RABL2A: variants seen among roughly 807,000 people sequenced by gnomAD.
RABL2A encodes rab-like protein 2A.
RABL2A carries 17 observed loss-of-function variants against 30.7 expected under a neutral mutation model. That is an observed-to-expected ratio of 0.55 (90% confidence interval 0.38 to 0.83). The LOEUF (loss-of-function observed/expected upper bound fraction) is 0.83, where lower values mean the gene tolerates loss of function less well. Among genes scored for constraint, RABL2A ranks in the 40% least tolerant of loss-of-function variants. The probability of loss-of-function intolerance (pLI) is 0.00; values close to 1 mark genes in which losing one functional copy is unlikely to be tolerated. For synonymous variants in RABL2A, 64 were observed against 101.8 expected (o/e 0.63, Z 2.24); for missense variants, 155 against 272.6 (o/e 0.57, Z 3.04).
chr2:113,628,643 C>T lies in RABL2A; in HGVS notation c.37C>T (p.Gln13Ter). ...CAAAACCAAACCGAGTGAGTTGGAC[C>T]AAGGGAAGTATGATGCTGATGACAA... Reference protein sequence around the residue: ...EDKTKPSELDQGKYDADDNVK... With the variant: ...EDKTKPSELD Residue 13 changes from glutamine (Q) to a stop codon, truncating the protein, a stop_gained, in exon 2 of 9, where the codon CAA becomes TAA. Coordinates refer to ENST00000683472, the MANE Select transcript of RABL2A (RefSeq NM_001306158.2). LOFTEE classifies it high-confidence loss of function. 1 of 1,545,760 alleles carries T rather than the reference C, an allele frequency of 6.5e-7. No homozygotes were observed. The highest frequency in any genetic ancestry group is 8.8e-7 in the Non-Finnish European group (1 of 1,139,526).
chr2:113,638,150 G>A (rs1409443225), intron 5 of RABL2A: 3 of 985,344 alleles, frequency 3.0e-6, no homozygotes, highest in Admixed American at 1.2e-4. Context: ...GATTCCAGAA[G>A]TTTAGTTACA....
chr2:113,631,493 C>T (rs578208112), intron 2 of RABL2A, among the ~76,000 whole-genome samples: 1 of 152,222 alleles, frequency 6.6e-6, no homozygotes, highest in East Asian at 1.9e-4. Context: ...CCACCAGTGA[C>T]CAGTGCCTAC....
chr2:113,642,138 G>A lies in RABL2A; in HGVS notation c.*9G>A, dbSNP rs1685444652. The A allele has an allele frequency of 3.1e-6, 5 of 1,613,726 alleles. No individual in the cohort carries two copies. The highest frequency in any genetic ancestry group is 4.2e-6 in the Non-Finnish European group (5 of 1,179,830). On this transcript the variant is annotated 3_prime_UTR_variant, in exon 9 of 9. Transcript: ENST00000683472. ...CCTCTCCCCACAGCTGAGGGGCTGG[G>A]GCTAGGGGTGGGTGGAGCCCTTTTA...
In RABL2A at chr2:113,634,742, G is replaced by T. The variant is rs1359801437; in HGVS notation, c.218-309G>T. 6 of 466,568 alleles carry T rather than the reference G, an allele frequency of 1.3e-5. No homozygotes were observed. The Admixed American group carries it at 2.0e-4, about 16-fold the overall frequency. 28.9% of individuals were successfully genotyped at this position (466,568 alleles called of 1,614,324 possible). The stretch of plus-strand genomic sequence containing the variant: ...AGTTGGAATAGTTTGGAACTTAGAG[G>T]ACCCTGCGTGTCACGTGGGAAACGG... On this transcript the variant is annotated intron_variant, in intron 4 of 8. Coordinates refer to ENST00000683472, the MANE Select transcript of RABL2A (RefSeq NM_001306158.2).
intron 5 of RABL2A, among the ~76,000 whole-genome samples, chr2:113,639,127 A>G (rs1684108582): frequency 6.6e-6 from 1 of 151,914 alleles, no homozygotes; most frequent in Non-Finnish European, 1.5e-5. Flanking sequence ...CTCTACAAAA[A>G]ATAAACAAAA....
intron 5 of RABL2A, among the ~76,000 whole-genome samples, chr2:113,636,571 ATC>A (rs1166494150): frequency 6.6e-6 from 1 of 152,138 alleles, no homozygotes; most frequent in Non-Finnish European, 1.5e-5. Flanking sequence ...AATATGTGGC[ATC>A]TCTCTGTCCA....
At position 113,642,769 on chromosome 2, in the gene RABL2A, T is replaced by G. The variant is rs1685627695; in HGVS notation, c.*640T>G. Reference sequence around the variant, plus strand: ...GATTCTCCTGCCTCAGCCTCCCGAGTGGCTGGCATCACCACGCCCAGCTAA... The same window carrying G: ...GATTCTCCTGCCTCAGCCTCCCGAGGGGCTGGCATCACCACGCCCAGCTAA... On this transcript the variant is annotated 3_prime_UTR_variant, in exon 9 of 9. Transcript: ENST00000683472. The G allele has an allele frequency of 5.1e-6, 1 of 194,456 alleles. No individual in the cohort carries two copies. Among genetic ancestry groups the G allele is most frequent in the Non-Finnish European group, 1.1e-5 (1 of 93,518 alleles). The allele number at this position is 194,456 out of a possible 1,614,324, so 12.0% of individuals were successfully genotyped here.
chr2:113,629,181 A>G (rs1230033312), intron 2 of RABL2A, among the ~76,000 whole-genome samples: 2 of 152,164 alleles, frequency 1.3e-5, no homozygotes, highest in Non-Finnish European at 2.9e-5. Flanking sequence ...TTCGGTGCCT[A>G]CATGCCACCT....
intron 3 of RABL2A, chr2:113,633,838 G>A (rs114411886): frequency 0.011 from 4,248 of 379,706 alleles, 182 homozygotes; most frequent in African/African-American, 0.077. Flanking sequence ...TTGAGTTGGG[G>A]TATCCACTTT....
intron 5 of RABL2A, among the ~76,000 whole-genome samples, chr2:113,635,964 C>T (rs1343504078): frequency 4.0e-5 from 6 of 150,942 alleles, no homozygotes; most frequent in Admixed American, 6.6e-5. Flanking sequence ...AAAAATTAGC[C>T]GGGCATGGTG....
chr2:113,634,210 A>C lies in RABL2A; in HGVS notation c.195A>C (p.Val65=). The C allele has an allele frequency of 3.7e-6, 6 of 1,613,078 alleles. No homozygotes were observed. Among genetic ancestry groups the C allele is most frequent in the Non-Finnish European group, 4.2e-6 (5 of 1,179,478 alleles). ...ALTLYKHTAT[V]DGKTILVDFW... is the part of the protein sequence containing the mutation. ...CCCTGTACAAGCACACAGCCACGGTAGATGGCAAGACCATCCTTGTGGGTA... is the reference window on the plus strand; with the variant it reads ...CCCTGTACAAGCACACAGCCACGGTCGATGGCAAGACCATCCTTGTGGGTA... The change falls in exon 4 of 9, where the codon GTA becomes GTC. Residue 65 remains valine (V), a synonymous_variant. Transcript: ENST00000683472.
At chr2:113,629,672 C>T (rs1665301) in intron 2 of RABL2A, among the ~76,000 whole-genome samples, 36,231 of 151,772 alleles carry the variant, frequency 0.24, 5,908 homozygotes, top group African/African-American at 0.45. Flanking sequence ...GTAGCTAGGA[C>T]TACAGGCGCC....
rs866702108 is a variant in RABL2A at position 113,640,760 on chromosome 2, G to A, written c.298-134G>A. On this transcript the variant is annotated intron_variant, in intron 5 of 8. Transcript: ENST00000683472. ...AAACGGCAGCCTCTGCGGTCAGAGA[G>A]GCTGCAATTCAGAGCGTTCCCACAA... The A allele has an allele frequency of 1.2e-5, 18 of 1,492,836 alleles. No homozygotes were observed. The African/African-American group carries it at 2.2e-4, about 19-fold the overall frequency. 92.5% of individuals were successfully genotyped at this position (1,492,836 alleles called of 1,614,324 possible). A position where few individuals can be genotyped will look rare whatever the true frequency, so the allele number is the denominator to read the frequency against.
At chr2:113,636,997 TA>T (rs1443170260) in intron 5 of RABL2A, among the ~76,000 whole-genome samples, 3 of 95,636 alleles carry the variant, frequency 3.1e-5, no homozygotes, top group African/African-American at 1.4e-4. Flanking sequence ...TCAAAAAAAA[TA>T]AAAAAATAAA....
chr2:113,638,008 G>A (rs1249177971), intron 5 of RABL2A: 96 of 985,212 alleles, frequency 9.7e-5, no homozygotes, highest in East Asian at 1.1e-4. Flanking sequence ...ACCAGGGCTC[G>A]ACCCTCCACC....
At chr2:113,634,984 T>C (rs1681966771) in intron 4 of RABL2A, 67 bp from the exon 5 acceptor site, 1 of 1,607,578 alleles carries the variant, frequency 6.2e-7, no homozygotes, top group Non-Finnish European at 8.5e-7. Flanking sequence ...GCCGCATGTG[T>C]GTTGTATCTT....
intron 2 of RABL2A, among the ~76,000 whole-genome samples, chr2:113,630,382 A>G (rs1387630359): frequency 6.6e-6 from 1 of 152,226 alleles, no homozygotes; most frequent in African/African-American, 2.4e-5. Context: ...CGGTTGGGCT[A>G]AAACACCCAT....
chr2:113,629,797 G>A (rs1408893370), intron 2 of RABL2A, among the ~76,000 whole-genome samples: 5 of 152,130 alleles, frequency 3.3e-5, no homozygotes, highest in Admixed American at 6.5e-5. Context: ...CTCAGCCTCC[G>A]AAAGTGCTGG....
At chr2:113,637,808 AC>A (rs903119739) in intron 5 of RABL2A, 2 of 1,284,054 alleles carry the variant, frequency 1.6e-6, no homozygotes, top group African/African-American at 3.1e-5. Flanking sequence ...TCTTGGAGTG[AC>A]TGCTTCCTGC....
Sources: gnomAD v4.1 joint callset for allele counts (sites outside exome capture counted in the v4.1 genomes callset) on GRCh38, gnomAD v4.1.1 for gene constraint, MANE v1.5 for transcripts, NCBI Gene and HGNC (gene_info 2026-07-23, HGNC 2026-07-21) for gene names.